The following XKR6 variants were observed in gnomAD, a reference collection of about 807,000 sequenced individuals.
XKR6 encodes the protein XK-related protein 6.
A neutral mutation model predicts 56.7 loss-of-function variants in XKR6; 22 were observed. That is an observed-to-expected ratio of 0.39 (90% confidence interval 0.28 to 0.55). The LOEUF is 0.55. Among genes scored for constraint, XKR6 ranks in the 20% least tolerant of loss-of-function variants. The pLI is 0.66. For missense variants in XKR6, 852 were observed against 889.0 expected (o/e 0.96, Z 0.53); for synonymous variants, 524 against 387.8 (o/e 1.35, Z -4.13).
chr8:11,195,932 A>C (rs1803861958), intron 1 of XKR6, among the ~76,000 whole-genome samples: 1 of 151,092 alleles, frequency 6.6e-6, no homozygotes, highest in Non-Finnish European at 1.5e-5. Context: ...TTTAAACCAG[A>C]ATTCCATTAA....
chr8:11,179,345 C>T (rs1455150077), intron 1 of XKR6, among the ~76,000 whole-genome samples: 2 of 152,146 alleles, frequency 1.3e-5, no homozygotes, highest in Non-Finnish European at 1.5e-5. Context: ...AGCCACCATA[C>T]AGAAAAGACA....
At chr8:11,194,107 A>G (rs1056465642) in intron 1 of XKR6, among the ~76,000 whole-genome samples, 4 of 152,236 alleles carry the variant, frequency 2.6e-5, no homozygotes, top group African/African-American at 9.6e-5. Flanking sequence ...CACCTAGGAG[A>G]CATACACACT....
intron 1 of XKR6, among the ~76,000 whole-genome samples, chr8:11,042,012 C>T (rs1799298546): frequency 6.6e-6 from 1 of 152,190 alleles, no homozygotes; most frequent in Admixed American, 6.5e-5. Context: ...ACTTGGCCTC[C>T]CAAAGGTACA....
rs1203963603 is a variant in XKR6 at position 11,200,407 on chromosome 8, G to C, written c.764+169C>G. 6.6e-6 allele frequency among the ~76,000 whole-genome samples: 1 copy of C among 152,230 alleles called. No individual in the cohort carries two copies. The highest frequency in any genetic ancestry group is 1.5e-5 in the Non-Finnish European group (1 of 68,032). On this transcript the variant is annotated intron_variant, in intron 1 of 2. Coordinates refer to ENST00000416569, the MANE Select transcript of XKR6 (RefSeq NM_173683.4). This position sits in a 1 kb window ranked among gnomAD's most constrained non-coding sequence, Gnocchi z 6.4. ...CTCCCCGGGCCAAAGGCGTGGCCAG[G>C]GATCCAGATCAAACGCCGGTCTTTT... is the stretch of plus-strand genomic sequence containing the variant.
At chr8:11,092,133 T>C (rs1344899137) in intron 1 of XKR6, among the ~76,000 whole-genome samples, 1 of 152,208 alleles carries the variant, frequency 6.6e-6, no homozygotes, top group Non-Finnish European at 1.5e-5. Context: ...TACATGAGGT[T>C]GTGTTTTGCT....
chr8:11,136,500 G>A (rs1258196341), intron 1 of XKR6, among the ~76,000 whole-genome samples: 2 of 121,472 alleles, frequency 1.6e-5, no homozygotes, highest in Non-Finnish European at 3.5e-5. Context: ...GCGAAACTCT[G>A]TCTCAAAAAA....
chr8:10,982,174 A>C (rs1382599152), intron 1 of XKR6, among the ~76,000 whole-genome samples: 1 of 152,236 alleles, frequency 6.6e-6, no homozygotes, highest in African/African-American at 2.4e-5. Flanking sequence ...TTCAAAGGCA[A>C]ATGGTAGGTG....
intron 1 of XKR6, among the ~76,000 whole-genome samples, chr8:11,146,528 C>G (rs1031688863): frequency 6.6e-6 from 1 of 151,394 alleles, no homozygotes; most frequent in African/African-American, 2.4e-5. Context: ...ATGTGGAAAG[C>G]TGAGTTGGGG....
intron 1 of XKR6, among the ~76,000 whole-genome samples, chr8:10,974,686 T>G (rs148619484): frequency 1.5e-3 from 223 of 152,316 alleles, no homozygotes; most frequent in Non-Finnish European, 2.0e-3. Context: ...ACCCTCTCCC[T>G]CCTGCCAAGA....
rs58774414 is a variant in XKR6 at position 10,984,732 on chromosome 8, C to CTATATATA, written c.765-59910_765-59903dup. ...TCTCTCTCTCTCTCTCTCTCTCTCT[C>CTATATATA]TATATATATATATATATATATATAT... On this transcript the variant is annotated intron_variant, in intron 1 of 2. Coordinates refer to ENST00000416569, the MANE Select transcript of XKR6 (RefSeq NM_173683.4). Among the ~76,000 whole-genome samples, 458 of 47,414 alleles carry CTATATATA rather than the reference C, an allele frequency of 9.7e-3. 22 individuals carry two copies. Among genetic ancestry groups the CTATATATA allele is most frequent in the African/African-American group, 0.017 (191 of 11,082 alleles). The allele number at this position is 47,414 out of a possible 152,430, so 31.1% of individuals were successfully genotyped here.
chr8:11,152,489 G>A (rs962351654), intron 1 of XKR6, among the ~76,000 whole-genome samples: 4 of 152,170 alleles, frequency 2.6e-5, no homozygotes, highest in African/African-American at 4.8e-5. Context: ...AAGAAGAAGG[G>A]AGAAAGGAAA....
chr8:11,179,653 C>T (rs566658040), intron 1 of XKR6, among the ~76,000 whole-genome samples: 6 of 152,288 alleles, frequency 3.9e-5, no homozygotes, highest in Middle Eastern at 3.4e-3. Context: ...CCTCACCAAC[C>T]ATCATTCAGG....
At chr8:10,971,740 C>T (rs549882215) in intron 1 of XKR6, among the ~76,000 whole-genome samples, 46 of 152,296 alleles carry the variant, frequency 3.0e-4, no homozygotes, top group South Asian at 4.2e-4. Flanking sequence ...AAAGAGAGGA[C>T]GGATGTGGGC....
At chr8:10,972,135 G>A (rs889616859) in intron 1 of XKR6, among the ~76,000 whole-genome samples, 2 of 152,102 alleles carry the variant, frequency 1.3e-5, no homozygotes, top group Non-Finnish European at 2.9e-5. Flanking sequence ...GACCCCGACT[G>A]CTTGGGGGTT....
At chr8:11,114,135 T>C (rs576902085) in intron 1 of XKR6, 89 of 420,410 alleles carry the variant, frequency 2.1e-4, no homozygotes, top group Middle Eastern at 1.5e-3. Context: ...GAGCATGGAA[T>C]GAAATCTCTA....
At chr8:11,178,604 AATAT>A (rs1293997839) in intron 1 of XKR6, among the ~76,000 whole-genome samples, 9 of 120,890 alleles carry the variant, frequency 7.4e-5, no homozygotes, top group Admixed American at 1.6e-4. Context: ...CACACACACA[AATAT>A]ATATATATAT....
Position 11,200,724 on chromosome 8 carries a change from T to TA in XKR6, c.615_616insT (p.Met206TyrfsTer78). The TA allele has an allele frequency of 6.3e-7, 1 of 1,589,030 alleles. No individual in the cohort carries two copies. The highest frequency in any genetic ancestry group is 1.4e-5 in the African/African-American group (1 of 72,252). On this transcript the variant is annotated frameshift_variant, in exon 1 of 3. Transcript: ENST00000416569. LOFTEE classifies it high-confidence loss of function. This position sits in a 1 kb window ranked among gnomAD's most constrained non-coding sequence, Gnocchi z 6.4. Reference sequence around the variant, plus strand: ...CCGTGGACGTAGCCGGCCCCCATCATGGGGGGGCCCCGGCTGGTGAGCCCC... The same window carrying TA: ...CCGTGGACGTAGCCGGCCCCCATCATAGGGGGGGCCCCGGCTGGTGAGCCCC...
At chr8:11,194,870 C>T (rs996535091) in intron 1 of XKR6, 5 of 461,134 alleles carry the variant, frequency 1.1e-5, no homozygotes, top group Non-Finnish European at 7.7e-6. Context: ...GATTTTGACA[C>T]TTTGTTTCTG....
chr8:11,020,495 TG>T (rs1798726274), intron 1 of XKR6, among the ~76,000 whole-genome samples: 1 of 152,192 alleles, frequency 6.6e-6, no homozygotes, highest in African/African-American at 2.4e-5. Flanking sequence ...TTAGGGTGCT[TG>T]TAAGAACCCA....
Sources: allele counts gnomAD v4.1 joint callset (sites outside exome capture counted in the v4.1 genomes callset), GRCh38; gene constraint gnomAD v4.1.1; non-coding constraint Gnocchi (gnomAD v3.1); transcripts MANE v1.5; gene names NCBI Gene and HGNC (gene_info 2026-07-23, HGNC 2026-07-21).